PCNX1: variants seen among roughly 807,000 people sequenced by gnomAD.
The protein encoded by PCNX1 is pecanex 1.
A neutral mutation model predicts 242.2 loss-of-function variants in PCNX1; 78 were observed. That is an observed-to-expected ratio of 0.32 (90% CI 0.27 to 0.39). PCNX1 has a LOEUF of 0.39. Ranked by LOEUF, PCNX1 falls within the 10% of genes least tolerant of loss-of-function variation. The pLI, the probability that PCNX1 is intolerant of heterozygous loss-of-function variation, is 1.00. For synonymous variants in PCNX1, 1,024 were observed against 1,032.9 expected (o/e 0.99, Z 0.17); for missense variants, 2,581 against 2,856.5 (o/e 0.90, Z 2.20).
In PCNX1 at chr14:70,994,427, A is replaced by ATATG. The variant is rs57544073; in HGVS notation, c.2445-1300_2445-1297dup. 2.2e-3 allele frequency among the ~76,000 whole-genome samples: 192 copies of ATATG among 87,974 alleles called. 1 individual carries two copies. Among genetic ancestry groups the ATATG allele is most frequent in the African/African-American group, 3.0e-3 (71 of 23,742 alleles). 57.7% of individuals were successfully genotyped at this position (87,974 alleles called of 152,430 possible). On this transcript the variant is annotated intron_variant, in intron 7 of 35. Coordinates refer to ENST00000304743, the MANE Select transcript of PCNX1 (RefSeq NM_014982.3). ...TATATATATATATATATATATATATATATGTATGTATGTATGTTTCAACAT... is the reference window on the plus strand; with the variant it reads ...TATATATATATATATATATATATATATATGTATGTATGTATGTATGTTTCAACAT...
intron 4 of PCNX1, among the ~76,000 whole-genome samples, chr14:70,968,664 A>G (rs1271656443): frequency 1.3e-5 from 2 of 152,198 alleles, no homozygotes; most frequent in African/African-American, 4.8e-5. Flanking sequence ...TTTTCACCCT[A>G]TAGTTTTTTA....
intron 1 of PCNX1, among the ~76,000 whole-genome samples, chr14:70,944,346 A>G (rs773864697): frequency 2.0e-5 from 3 of 152,236 alleles, no homozygotes; most frequent in Admixed American, 6.5e-5. Context: ...CATGGAGTCA[A>G]AGGAGATCAT....
chr14:70,996,358 T>G (rs1390995588), intron 8 of PCNX1, among the ~76,000 whole-genome samples: 1 of 152,226 alleles, frequency 6.6e-6, no homozygotes, highest in Non-Finnish European at 1.5e-5. Flanking sequence ...AGATATTCTA[T>G]ATTTCACACT....
chr14:70,914,003 A>G (rs953797416), intron 1 of PCNX1, among the ~76,000 whole-genome samples: 5 of 152,302 alleles, frequency 3.3e-5, no homozygotes, highest in Admixed American at 2.0e-4. Flanking sequence ...AATTATTTCC[A>G]TAACTGGTCA....
intron 19 of PCNX1, among the ~76,000 whole-genome samples, chr14:71,037,230 G>A (rs201271357): frequency 1.4e-5 from 2 of 145,718 alleles, no homozygotes; most frequent in Admixed American, 6.9e-5. Flanking sequence ...CATGTCATCT[G>A]CAAACAGGGA....
At chr14:71,039,658 A>T (rs2060649904) in intron 19 of PCNX1, among the ~76,000 whole-genome samples, 1 of 152,208 alleles carries the variant, frequency 6.6e-6, no homozygotes. Context: ...CATGGGAAGC[A>T]TTTCAGAAGC....
At position 70,977,510 on chromosome 14, in the gene PCNX1, G is replaced by A. The variant is rs2140119339; in HGVS notation, c.1173G>A (p.Arg391=). 1 of 1,614,098 alleles carries A rather than the reference G, an allele frequency of 6.2e-7. No homozygotes were observed. Among genetic ancestry groups the A allele is most frequent in the East Asian group, 2.2e-5 (1 of 44,884 alleles). The part of the protein sequence containing the change: ...STESYCSGTD[R]DTNSTVSSYK... The stretch of plus-strand genomic sequence containing the variant: ...AAAGCTACTGCAGTGGAACGGACCG[G>A]GACACTAACAGTACTGTCAGCAGCT... The change falls in exon 6 of 36, where the codon CGG becomes CGA. Residue 391 remains arginine, a synonymous_variant. Coordinates refer to ENST00000304743, the MANE Select transcript of PCNX1 (RefSeq NM_014982.3).
rs199936180 is a variant in PCNX1 at position 70,950,425 on chromosome 14, A to G, written c.362+3302A>G. Among the ~76,000 whole-genome samples, 17 of 152,270 alleles carry G rather than the reference A, an allele frequency of 1.1e-4. No homozygotes were observed. The East Asian group carries it at 3.3e-3, about 29-fold the overall frequency. ...TATCCTATTTTAAATTATATCAATC[A>G]TTTTGAAATTTAAATATTAGATAAC... On this transcript the variant is annotated intron_variant, in intron 2 of 35. Transcript: ENST00000304743.
intron 1 of PCNX1, among the ~76,000 whole-genome samples, chr14:70,945,275 A>G (rs993557362): frequency 6.6e-6 from 1 of 152,210 alleles, no homozygotes; most frequent in Non-Finnish European, 1.5e-5. Flanking sequence ...ATATTTCACA[A>G]TATCATACAG....
intron 24 of PCNX1, among the ~76,000 whole-genome samples, chr14:71,052,370 C>T (rs961573820): frequency 4.6e-5 from 7 of 151,778 alleles, no homozygotes; most frequent in Non-Finnish European, 1.0e-4. Context: ...TGAGCCACCA[C>T]GTCGGTTAAT....
intron 6 of PCNX1, among the ~76,000 whole-genome samples, chr14:70,986,519 C>A (rs1462190040): frequency 6.6e-6 from 1 of 152,066 alleles, no homozygotes; most frequent in Non-Finnish European, 1.5e-5. Context: ...GTCTTTTCAC[C>A]CCAGTACTAT....
Position 70,978,593 on chromosome 14 carries a change from C to T in PCNX1, c.2256C>T (p.Ser752=). The change falls in exon 6 of 36, where the codon AGC becomes AGT. Residue 752 remains serine (S), a synonymous_variant. Transcript: ENST00000304743. ...AGACAGTCACTCGATCTAGGAATAG[C>T]TTGCCAAACCAGGTTGCATTTCCTG... is the stretch of plus-strand genomic sequence containing the variant. ...QLETVTRSRN[S]LPNQVAFPEG... The T allele has an allele frequency of 6.2e-7, 1 of 1,613,914 alleles. No homozygotes were observed. Among genetic ancestry groups the T allele is most frequent in the Non-Finnish European group, 8.5e-7 (1 of 1,179,890 alleles).
chr14:71,072,279 G>A (rs538327216), intron 26 of PCNX1, among the ~76,000 whole-genome samples: 2 of 152,270 alleles, frequency 1.3e-5, no homozygotes, highest in African/African-American at 2.4e-5. Flanking sequence ...AGGTATGCCT[G>A]TATATTTTTA....
At position 71,023,220 on chromosome 14, in the gene PCNX1, T is replaced by C. The variant is rs1247491463; in HGVS notation, c.3171T>C (p.Ser1057=). 2 of 1,604,300 alleles carry C rather than the reference T, an allele frequency of 1.2e-6. No homozygotes were observed. Residue 1057 remains serine (S), a synonymous_variant, in exon 13 of 36, where the codon TCT becomes TCC. Transcript: ENST00000304743. ...SLLKSVQPDS[S]SPRHGHNRII... ...TTTAGAGTGTTCAACCAGATTCTTCTTCTCCCAGACATGTAAGTCACTCTT... is the reference window on the plus strand; with the variant it reads ...TTTAGAGTGTTCAACCAGATTCTTCCTCTCCCAGACATGTAAGTCACTCTT...
rs545489368 is a variant in PCNX1 at position 70,965,935 on chromosome 14, C to G, written c.469-2263C>G. Among the ~76,000 whole-genome samples the G allele has an allele frequency of 6.4e-4, 97 of 152,100 alleles. 1 individual carries two copies. Among genetic ancestry groups the G allele is most frequent in the Non-Finnish European group, 1.3e-3 (90 of 68,028 alleles). Reference sequence around the variant, plus strand: ...GCACTTAAATAAAAAACTTCACCCTCAAGTGTAAAAAGATACTGTTTTTTC... The same window carrying G: ...GCACTTAAATAAAAAACTTCACCCTGAAGTGTAAAAAGATACTGTTTTTTC... On this transcript the variant is annotated intron_variant, in intron 3 of 35. Transcript: ENST00000304743.
At chr14:70,910,061 T>C (rs372798498) in intron 1 of PCNX1, among the ~76,000 whole-genome samples, 1,561 of 29,474 alleles carry the variant, frequency 0.053, 65 homozygotes, top group Non-Finnish European at 0.08. Context: ...CTCCTCCTCC[T>C]CCCCCTCCTC....
chr14:71,053,305 C>T (rs1408593276), intron 24 of PCNX1: 5 of 451,178 alleles, frequency 1.1e-5, no homozygotes, highest in Admixed American at 9.5e-5. Flanking sequence ...AGAGTTTTGC[C>T]CTTGTCATCC....
intron 26 of PCNX1, among the ~76,000 whole-genome samples, chr14:71,066,279 CTT>C (rs2061445190): frequency 6.6e-6 from 1 of 152,152 alleles, no homozygotes. Flanking sequence ...TATGTCCTCT[CTT>C]ATTTCCTTGA....
chr14:70,956,734 A>T (rs945811342), intron 2 of PCNX1, among the ~76,000 whole-genome samples: 3 of 152,106 alleles, frequency 2.0e-5, no homozygotes, highest in African/African-American at 7.2e-5. Flanking sequence ...AATGCTGAGG[A>T]GGTATTATTT....
Sources: gnomAD v4.1 joint callset for allele counts (sites outside exome capture counted in the v4.1 genomes callset) on GRCh38, gnomAD v4.1.1 for gene constraint, MANE v1.5 for transcripts, NCBI Gene and HGNC (gene_info 2026-07-23, HGNC 2026-07-21) for gene names.